Variants in ANO4 observed in about 807,000 individuals in gnomAD.
The protein encoded by ANO4 is anoctamin-4.
A neutral mutation model predicts 141.9 loss-of-function variants in ANO4; 69 were observed. The ratio of observed to expected loss-of-function variants is 0.49; its 90% CI spans 0.40 to 0.59. The LOEUF is 0.59. ANO4 is among the 20% of genes least tolerant of loss of function. ANO4 has a pLI of 0.00. For missense variants in ANO4, 894 were observed against 1,162.2 expected, an observed-to-expected ratio of 0.77 and a Z score of 3.36; for synonymous variants, 350 against 394.3, an observed-to-expected ratio of 0.89 and a Z score of 1.33.
chr12:100,942,484 A>G lies in ANO4; in HGVS notation c.405A>G (p.Arg135=), dbSNP rs893889535. The G allele has an allele frequency of 2.5e-6, 4 of 1,614,144 alleles. No homozygotes were observed. The highest frequency in any genetic ancestry group is 3.4e-6 in the Non-Finnish European group (4 of 1,180,004). The change falls in exon 5 of 28, where the codon AGA becomes AGG. Residue 135 remains arginine, a synonymous_variant. Transcript: ENST00000392977. ...YRKSNPQTEK[R]EVFERNIRAE... ...AATCCAACCCCCAGACTGAAAAGAGAGAAGTATTTGAAAGAAACATTAGAG... is the reference window on the plus strand; with the variant it reads ...AATCCAACCCCCAGACTGAAAAGAGGGAAGTATTTGAAAGAAACATTAGAG...
chr12:101,114,919 C>T (rs538975602), intron 24 of ANO4, among the ~76,000 whole-genome samples: 185 of 152,292 alleles, frequency 1.2e-3, no homozygotes, highest in South Asian at 4.4e-3. Flanking sequence ...CCACGAGTGA[C>T]TTGACAAATG....
rs148766542 is a variant in ANO4 at position 101,110,104 on chromosome 12, C to A, written c.2150-300C>A. 4.0e-4 allele frequency among the ~76,000 whole-genome samples: 61 copies of A among 152,168 alleles called. 1 individual carries two copies. The highest frequency in any genetic ancestry group is 1.4e-3 in the African/African-American group (58 of 41,516). Reference sequence around the variant, plus strand: ...CAGGCTTCTCTTGTATTGTCCCTACCGTAGCTCTGGAATCAAACCATCCTC... The same window carrying A: ...CAGGCTTCTCTTGTATTGTCCCTACAGTAGCTCTGGAATCAAACCATCCTC... On this transcript the variant is annotated intron_variant, in intron 22 of 27. Transcript: ENST00000392977.
chr12:101,057,215 TG>T (rs2048159539), intron 14 of ANO4, among the ~76,000 whole-genome samples: 1 of 152,120 alleles, frequency 6.6e-6, no homozygotes, highest in Admixed American at 6.6e-5. Context: ...TAGTATTCCA[TG>T]TTGTGTATGT....
chr12:100,738,908 T>C (rs1442996636), intron 2 of ANO4, among the ~76,000 whole-genome samples: 2 of 151,524 alleles, frequency 1.3e-5, no homozygotes, highest in Non-Finnish European at 2.9e-5. Context: ...TCTAGACTTA[T>C]TCATATTACA....
intron 3 of ANO4, among the ~76,000 whole-genome samples, chr12:100,768,234 G>T (rs2033165794): frequency 6.6e-6 from 1 of 152,220 alleles, no homozygotes; most frequent in South Asian, 2.1e-4. Context: ...GCCAAGTTGG[G>T]TGCCCACTTC....
chr12:100,777,770 CATATT>C (rs2033574781), intron 3 of ANO4, among the ~76,000 whole-genome samples: 1 of 152,054 alleles, frequency 6.6e-6, no homozygotes, highest in South Asian at 2.1e-4. Context: ...ACCTTTTACT[CATATT>C]AATATTTTCT....
chr12:100,793,338 A>G (rs750958337), upstream of ANO4, among the ~76,000 whole-genome samples: 1 of 152,148 alleles, frequency 6.6e-6, no homozygotes, highest in Non-Finnish European at 1.5e-5. Context: ...TCACTTTATT[A>G]TGTTCATCTT....
chr12:100,973,777 A>G (rs1170336689), intron 6 of ANO4, among the ~76,000 whole-genome samples: 2 of 152,184 alleles, frequency 1.3e-5, no homozygotes, highest in African/African-American at 2.4e-5. Context: ...GTTTTGACAA[A>G]GGCATATCAT....
rs569197034 is a variant in ANO4 at position 100,860,518 on chromosome 12, T to G, written c.-140-41128T>G. Among the ~76,000 whole-genome samples the G allele has an allele frequency of 3.8e-4, 58 of 152,344 alleles. 1 individual carries two copies. The South Asian group carries it at 5.6e-3, about 15-fold the overall frequency. Reference sequence around the variant, plus strand: ...GGGAACATACATGTACACAAGGTTGTTGTCATCAGGTCCCTGCTTGCCTAC... The same window carrying G: ...GGGAACATACATGTACACAAGGTTGGTGTCATCAGGTCCCTGCTTGCCTAC... On this transcript the variant is annotated intron_variant, in intron 1 of 27. Coordinates refer to ENST00000392977, the MANE Select transcript of ANO4 (RefSeq NM_001286615.2).
At chr12:100,883,101 T>C (rs977017189) in intron 1 of ANO4, among the ~76,000 whole-genome samples, 13 of 152,224 alleles carry the variant, frequency 8.5e-5, no homozygotes, top group Admixed American at 5.9e-4. Flanking sequence ...TTGCCATGTC[T>C]TATAAAATAA....
At chr12:101,103,664 T>G (rs2050299404) in intron 22 of ANO4, among the ~76,000 whole-genome samples, 1 of 151,914 alleles carries the variant, frequency 6.6e-6, no homozygotes, top group Non-Finnish European at 1.5e-5. Context: ...GATATTTATA[T>G]ATACATTCAT....
intron 1 of ANO4, among the ~76,000 whole-genome samples, chr12:100,821,660 A>T (rs1209912359): frequency 1.3e-5 from 2 of 151,894 alleles, no homozygotes; most frequent in Non-Finnish European, 2.9e-5. Context: ...ACGTGTCAGG[A>T]TATATAGGTC....
At chr12:101,080,266 TTTTG>T (rs1014605055) in intron 15 of ANO4, among the ~76,000 whole-genome samples, 2 of 152,080 alleles carry the variant, frequency 1.3e-5, no homozygotes, top group African/African-American at 4.8e-5. Flanking sequence ...TGAGAGGTAT[TTTTG>T]TTGTTGTTGT....
intron 7 of ANO4, among the ~76,000 whole-genome samples, chr12:100,980,651 A>G (rs2044417780): frequency 6.6e-6 from 1 of 152,232 alleles, no homozygotes; most frequent in Admixed American, 6.5e-5. Flanking sequence ...TAATATCTCT[A>G]AGGTTTCTGA....
rs144147790 is a variant in ANO4 at position 101,015,874 on chromosome 12, G to A, written c.735-4160G>A. Reference sequence around the variant, plus strand: ...ATGGGGGATATGTGTGTGTATGAGAGAGAGAGAGAGACTTCATTTGGAGAA... The same window carrying A: ...ATGGGGGATATGTGTGTGTATGAGAAAGAGAGAGAGACTTCATTTGGAGAA... On this transcript the variant is annotated intron_variant, in intron 8 of 27. Coordinates refer to ENST00000392977, the MANE Select transcript of ANO4 (RefSeq NM_001286615.2). Among the ~76,000 whole-genome samples, 76 of 152,278 alleles carry A rather than the reference G, an allele frequency of 5.0e-4. No individual in the cohort carries two copies. In the East Asian group the frequency reaches 0.011, roughly 22 times the overall value.
At position 101,075,105 on chromosome 12, in the gene ANO4, C is replaced by T. The variant is rs73379460; in HGVS notation, c.1313-4088C>T. On this transcript the variant is annotated intron_variant, in intron 14 of 27. Coordinates refer to ENST00000392977, the MANE Select transcript of ANO4 (RefSeq NM_001286615.2). ...GGGTGCACAGGGATGATTCAGGGGGCGTAGTTACAGAACACACGGGGCTAA... is the reference window on the plus strand; with the variant it reads ...GGGTGCACAGGGATGATTCAGGGGGTGTAGTTACAGAACACACGGGGCTAA... 7.7e-3 allele frequency among the ~76,000 whole-genome samples: 1,164 copies of T among 152,122 alleles called. 20 individuals carry two copies. Among genetic ancestry groups the T allele is most frequent in the African/African-American group, 0.027 (1,109 of 41,482 alleles).
chr12:101,089,958 A>C (rs2049685542), intron 17 of ANO4, among the ~76,000 whole-genome samples: 1 of 152,246 alleles, frequency 6.6e-6, no homozygotes. Flanking sequence ...GACACTTCTC[A>C]AAAGAAGACA....
intron 3 of ANO4, among the ~76,000 whole-genome samples, chr12:100,932,690 A>C (rs2042129016): frequency 6.6e-6 from 1 of 152,156 alleles, no homozygotes; most frequent in Non-Finnish European, 1.5e-5. Flanking sequence ...TCATGTAAAG[A>C]TCACCATGAT....
At chr12:101,032,504 A>G (rs1566151306) in intron 9 of ANO4, among the ~76,000 whole-genome samples, 1 of 152,254 alleles carries the variant, frequency 6.6e-6, no homozygotes, top group Non-Finnish European at 1.5e-5. Flanking sequence ...GCACAGCAAA[A>G]GAAACTACCA....
Sources: gnomAD v4.1 joint callset for allele counts (sites outside exome capture counted in the v4.1 genomes callset) on GRCh38, gnomAD v4.1.1 for gene constraint, MANE v1.5 for transcripts, NCBI Gene and HGNC (gene_info 2026-07-23, HGNC 2026-07-21) for gene names.